ZNF446: variants seen among roughly 807,000 people sequenced by gnomAD.
ZNF446 encodes the protein zinc finger protein 446.
Under a neutral mutation model 34.0 loss-of-function variants are expected in ZNF446, and 42 were observed. The observed-to-expected ratio is 1.23, with a 90% CI of 0.96 to 1.60. The LOEUF (loss-of-function observed/expected upper bound fraction) is 1.60, where lower values mean the gene tolerates loss of function less well. ZNF446 is among the 40% of genes most tolerant of loss of function. The probability of loss-of-function intolerance (pLI) is 0.00; values close to 1 mark genes in which losing one functional copy is unlikely to be tolerated. For missense variants in ZNF446, 650 were observed against 600.2 expected (o/e 1.08, Z -0.87); for synonymous variants, 315 against 251.0 (o/e 1.25, Z -2.41).
At chr19:58,488,061 C>T in the ZNF446 span, among the ~76,000 whole-genome samples, 7 of 150,622 alleles carry the variant, frequency 4.6e-5, no homozygotes, top group East Asian at 2.0e-4. Flanking sequence ...CTGCCTTGCC[C>T]GTGACCACAC....
downstream of ZNF446, among the ~76,000 whole-genome samples, chr19:58,482,549 C>T (rs1041119224): frequency 3.3e-5 from 5 of 152,144 alleles, no homozygotes; most frequent in South Asian, 4.1e-4. Flanking sequence ...GTGCACAAGT[C>T]GCAGGTGGAT....
At chr19:58,476,748 G>A (rs889587824) in intron 1 of ZNF446, among the ~76,000 whole-genome samples, 10 of 152,146 alleles carry the variant, frequency 6.6e-5, no homozygotes, top group African/African-American at 2.2e-4. Flanking sequence ...GATTGTGGAG[G>A]GCGACTCGTC....
At position 58,478,133 on chromosome 19, in the gene ZNF446, T is replaced by C. The variant is rs931563495; in HGVS notation, c.579T>C (p.His193=). The change falls in exon 4 of 7, where the codon CAT becomes CAC. Residue 193 remains histidine, a synonymous_variant. Coordinates refer to ENST00000594369, the MANE Select transcript of ZNF446 (RefSeq NM_017908.4). ...CAGCACAGTCCCCTGAGGGGAACCA[T>C]GGACACCAAGAACCAGCCTCCACAT... ...PLAAQSPEGN[H]GHQEPASTSF... 3.7e-6 allele frequency: 6 copies of C among 1,614,030 alleles called. No homozygotes were observed. Among genetic ancestry groups the C allele is most frequent in the East Asian group, 2.2e-5 (1 of 44,874 alleles).
chr19:58,482,374 A>C (rs1402898488), downstream of ZNF446, among the ~76,000 whole-genome samples: 2 of 152,014 alleles, frequency 1.3e-5, no homozygotes, highest in African/African-American at 4.8e-5. Flanking sequence ...GCCAATTGAG[A>C]TGTTCACAGC....
chr19:58,479,921 C>T lies in ZNF446; in HGVS notation c.713-9C>T. 6.4e-7 allele frequency: 1 copy of T among 1,562,768 alleles called. No individual in the cohort carries two copies. The highest frequency in any genetic ancestry group is 8.6e-7 in the Non-Finnish European group (1 of 1,156,728). ...ACCCCATGCCTAACTGTGCCCCCCA[C>T]CCGGGCAGGGTTACCGCCCCACCAG... On this transcript the variant is annotated splice_polypyrimidine_tract_variant and intron_variant, in intron 5 of 6. Transcript: ENST00000594369.
In ZNF446 at chr19:58,478,059, C is replaced by CCA. The variant is rs751644473; in HGVS notation, c.533-26_533-25dup. 8 of 1,595,156 alleles carry CCA rather than the reference C, an allele frequency of 5.0e-6. No individual in the cohort carries two copies. The South Asian group carries it at 8.9e-5, about 18-fold the overall frequency. ...TGGCTCATGTGGGCAGCCCCTGACA[C>CCA]CACCCTTCCATCTGCCCCACTTTTC... is the stretch of plus-strand genomic sequence containing the variant. On this transcript the variant is annotated intron_variant, in intron 3 of 6. Coordinates refer to ENST00000594369, the MANE Select transcript of ZNF446 (RefSeq NM_017908.4).
At position 58,480,450 on chromosome 19, in the gene ZNF446, T is replaced by C; in HGVS notation, c.1077T>C (p.Gly359=). 1 of 1,612,032 alleles carries C rather than the reference T, an allele frequency of 6.2e-7. No homozygotes were observed. The highest frequency in any genetic ancestry group is 8.5e-7 in the Non-Finnish European group (1 of 1,179,820). ...ACCGGACACACACGAGTGGGCCAGG[T>C]GTGCAGTCCCCGGGGCTAGCCACCG... ...IHHRTHTSGP[G]VQSPGLATGE... Residue 359 remains glycine (G), a synonymous_variant, in exon 7 of 7, where the codon GGT becomes GGC. Coordinates refer to ENST00000594369, the MANE Select transcript of ZNF446 (RefSeq NM_017908.4). The surrounding 1 kb of genome is among the most constrained non-coding windows in gnomAD (Gnocchi z 7.2).
At chr19:58,476,832 CTG>C (rs1171398098) in intron 1 of ZNF446, among the ~76,000 whole-genome samples, 5 of 152,168 alleles carry the variant, frequency 3.3e-5, no homozygotes, top group East Asian at 1.9e-4. Context: ...CGGCTAGACA[CTG>C]TGGCTCCTCA....
downstream of ZNF446, among the ~76,000 whole-genome samples, chr19:58,484,382 C>T (rs2053158752): frequency 6.7e-6 from 1 of 149,676 alleles, no homozygotes; most frequent in South Asian, 2.1e-4. Context: ...AGGAGGATCA[C>T]TTGAGTCCAG....
Position 58,477,467 on chromosome 19 carries a change from G to A in ZNF446, c.249G>A (p.Gln83=), listed in dbSNP as rs1242126705. 5 of 1,613,560 alleles carry A rather than the reference G, an allele frequency of 3.1e-6. No homozygotes were observed. The African/African-American group carries it at 5.3e-5, about 17-fold the overall frequency. Residue 83 remains glutamine (Q), a synonymous_variant, in exon 2 of 7, where the codon CAG becomes CAA. Coordinates refer to ENST00000594369, the MANE Select transcript of ZNF446 (RefSeq NM_017908.4). ...TGGGCACACTGCCTCCCGAGATCCAGGCCTGGGTGCGCGGTCAGCGGCCAG... is the reference window on the plus strand; with the variant it reads ...TGGGCACACTGCCTCCCGAGATCCAAGCCTGGGTGCGCGGTCAGCGGCCAG... ...QFLGTLPPEI[Q]AWVRGQRPGS...
chr19:58,485,525 TGTG>T (rs999109160), downstream of ZNF446, among the ~76,000 whole-genome samples: 29 of 151,956 alleles, frequency 1.9e-4, no homozygotes, highest in African/African-American at 6.5e-4. Flanking sequence ...AATAAAATAT[TGTG>T]GTATTGGCAC....
chr19:58,481,514 G>A (rs2053139901), downstream of ZNF446, among the ~76,000 whole-genome samples: 1 of 152,180 alleles, frequency 6.6e-6, no homozygotes, highest in Non-Finnish European at 1.5e-5. Context: ...CTGAGAAGAG[G>A]GGCTGCAAGC....
Position 58,477,319 on chromosome 19 carries a change from A to C in ZNF446, c.101A>C (p.Tyr34Ser). 4 of 1,613,242 alleles carry C rather than the reference A, an allele frequency of 2.5e-6. No homozygotes were observed. Among genetic ancestry groups the C allele is most frequent in the Non-Finnish European group, 2.5e-6 (3 of 1,179,962 alleles). ...CGCCTCCGCTTCCGAGGGTTCTGCT[A>C]CCAGGAGGTGGCAGGTCCCCGAGAA... is the stretch of plus-strand genomic sequence containing the variant. ...TARLRFRGFC[Y>S]QEVAGPREAL... Residue 34 changes from tyrosine (Y) to serine (S), a missense_variant, in exon 2 of 7, where the codon TAC becomes TCC. Coordinates refer to ENST00000594369, the MANE Select transcript of ZNF446 (RefSeq NM_017908.4).
rs1299984136 is a variant in ZNF446 at position 58,479,734 on chromosome 19, A to T, written c.712+7A>T. 1.2e-6 allele frequency: 2 copies of T among 1,606,190 alleles called. No homozygotes were observed. Among genetic ancestry groups the T allele is most frequent in the Non-Finnish European group, 1.7e-6 (2 of 1,177,626 alleles). On this transcript the variant is annotated splice_region_variant and intron_variant, in intron 5 of 6. Transcript: ENST00000594369. ...GGCACAGTGGTCTCCCTGGGTGAGG[A>T]CCAGCCAGCCCCACCCCGCCCCTCT...
chr19:58,486,517 C>T, the ZNF446 span, among the ~76,000 whole-genome samples: 1 of 152,108 alleles, frequency 6.6e-6, no homozygotes, highest in Non-Finnish European at 1.5e-5. Flanking sequence ...AAGCGATTCT[C>T]CTGCCTCAGC....
chr19:58,477,097 C>T (rs2053092982), intron 1 of ZNF446, 82 bp from the exon 2 acceptor site: 2 of 855,726 alleles, frequency 2.3e-6, no homozygotes, highest in East Asian at 2.5e-5. Context: ...GTCCTGGTCT[C>T]AGCCCCCTGG....
intron 1 of ZNF446, 59 bp from the exon 2 acceptor site, chr19:58,477,120 G>C: frequency 2.7e-6 from 3 of 1,110,894 alleles, no homozygotes; most frequent in Non-Finnish European, 3.8e-6. Flanking sequence ...TGAGCCTGGT[G>C]TCTGCCTTCC....
intron 1 of ZNF446, among the ~76,000 whole-genome samples, 173 bp from the exon 2 acceptor site, chr19:58,477,006 C>A (rs2053092133): frequency 6.6e-6 from 1 of 152,124 alleles, no homozygotes; most frequent in Non-Finnish European, 1.5e-5. Flanking sequence ...TCTCATTTGC[C>A]ATCATTGTTT....
At position 58,479,693 on chromosome 19, in the gene ZNF446, G is replaced by T; in HGVS notation, c.678G>T (p.Ala226=). ...DRSQKELYWD[A]MLEKYGTVVS... is the part of the protein sequence containing the mutation. ...CACAGAAGGAACTGTACTGGGATGC[G>T]ATGCTGGAGAAGTACGGCACAGTGG... Residue 226 remains alanine, a synonymous_variant, in exon 5 of 7, where the codon GCG becomes GCT. Coordinates refer to ENST00000594369, the MANE Select transcript of ZNF446 (RefSeq NM_017908.4). 1.2e-6 allele frequency: 2 copies of T among 1,613,752 alleles called. No homozygotes were observed. The highest frequency in any genetic ancestry group is 1.7e-6 in the Non-Finnish European group (2 of 1,179,942).
Sources: gnomAD v4.1 joint callset for allele counts (sites outside exome capture counted in the v4.1 genomes callset) on GRCh38, gnomAD v4.1.1 for gene constraint, Gnocchi (gnomAD v3.1) non-coding constraint, MANE v1.5 for transcripts, NCBI Gene and HGNC (gene_info 2026-07-23, HGNC 2026-07-21) for gene names.